Variants in ANKS1B observed in about 807,000 individuals in gnomAD.
ANKS1B encodes ankyrin repeat and sterile alpha motif domain containing 1B, also known as ankyrin repeat and sterile alpha motif domain-containing protein 1B.
ANKS1B carries 36 observed loss-of-function variants against 148.3 expected under a neutral mutation model. The ratio of observed to expected loss-of-function variants is 0.24; its 90% confidence interval spans 0.19 to 0.32. ANKS1B has a LOEUF of 0.32. ANKS1B is among the 10% of genes least tolerant of loss of function. The pLI is 1.00. For missense variants in ANKS1B, 1,157 were observed against 1,542.6 expected (o/e 0.75, Z 4.19); for synonymous variants, 542 against 560.8 (o/e 0.97, Z 0.47).
At chr12:99,133,251 C>T (rs1600701434) in intron 15 of ANKS1B, among the ~76,000 whole-genome samples, 2 of 151,874 alleles carry the variant, frequency 1.3e-5, no homozygotes, top group East Asian at 3.9e-4. Context: ...CAGGGTTTCA[C>T]CATGTTGGTC....
At chr12:98,766,948 T>C (rs7135248) in intron 25 of ANKS1B, among the ~76,000 whole-genome samples, 83,480 of 151,008 alleles carry the variant, frequency 0.55, 23,447 homozygotes, top group East Asian at 0.74. Context: ...TGGCACTACA[T>C]GTGTGTGCCA....
Position 99,619,616 on chromosome 12 carries a change from G to A in ANKS1B, c.1272+35451C>T, listed in dbSNP as rs546672602. 3.7e-3 allele frequency among the ~76,000 whole-genome samples: 562 copies of A among 152,054 alleles called. 3 individuals carry two copies. Among genetic ancestry groups the A allele is most frequent in the African/African-American group, 0.013 (535 of 41,452 alleles). ...AAAGGATACCTGCTCACCGAGATCA[G>A]CAGACTGACATGTTCTGTGCTTCCT... On this transcript the variant is annotated intron_variant, in intron 9 of 26. Transcript: ENST00000683438.
intron 9 of ANKS1B, among the ~76,000 whole-genome samples, chr12:99,614,899 A>T (rs1391107255): frequency 6.6e-6 from 1 of 151,670 alleles, no homozygotes; most frequent in Non-Finnish European, 1.5e-5. Flanking sequence ...CAGGAAAAAA[A>T]AAAAGTTGCT....
intron 17 of ANKS1B, among the ~76,000 whole-genome samples, chr12:98,909,820 T>C (rs1456892494): frequency 6.6e-6 from 1 of 152,230 alleles, no homozygotes; most frequent in Non-Finnish European, 1.5e-5. Flanking sequence ...AAAAGCGTGG[T>C]TCTTCATTCA....
chr12:99,639,184 G>A (rs2098275909), intron 9 of ANKS1B, among the ~76,000 whole-genome samples: 1 of 152,154 alleles, frequency 6.6e-6, no homozygotes, highest in African/African-American at 2.4e-5. Context: ...AGAACTTAAA[G>A]GTTTAATGAC....
chr12:99,032,898 T>C (rs902835032), intron 17 of ANKS1B, among the ~76,000 whole-genome samples: 4 of 152,220 alleles, frequency 2.6e-5, no homozygotes, highest in Non-Finnish European at 4.4e-5. Context: ...TTAGTCTTTA[T>C]TTCTCATGTT....
chr12:99,961,214 G>C (rs2095407945), intron 1 of ANKS1B, among the ~76,000 whole-genome samples: 1 of 150,836 alleles, frequency 6.6e-6, no homozygotes, highest in Non-Finnish European at 1.5e-5. Context: ...GGGCAGCAGA[G>C]TGAGACTCCC....
intron 8 of ANKS1B, among the ~76,000 whole-genome samples, chr12:99,668,004 A>T (rs2098517891): frequency 6.6e-6 from 1 of 152,130 alleles, no homozygotes; most frequent in African/African-American, 2.4e-5. Context: ...ATAGTTTTCC[A>T]TTTGTGAAAT....
chr12:99,622,385 T>G (rs985502561), intron 9 of ANKS1B, among the ~76,000 whole-genome samples: 11 of 151,202 alleles, frequency 7.3e-5, no homozygotes, highest in Admixed American at 6.6e-5. Flanking sequence ...AAGAAATAAC[T>G]AAAATCAGAA....
intron 8 of ANKS1B, among the ~76,000 whole-genome samples, chr12:99,662,010 T>C (rs900540273): frequency 3.9e-5 from 6 of 152,126 alleles, no homozygotes; most frequent in Admixed American, 1.3e-4. Context: ...AACAACAAAA[T>C]AGAAGAATCC....
At chr12:99,053,064 C>T (rs1167881529) in intron 17 of ANKS1B, 93 bp downstream of exon 17, 3 of 1,137,796 alleles carry the variant, frequency 2.6e-6, no homozygotes, top group Non-Finnish European at 3.6e-6. Flanking sequence ...TCTATAAATC[C>T]CCATTGGATG....
intron 16 of ANKS1B, among the ~76,000 whole-genome samples, chr12:99,076,337 G>T (rs2047877186): frequency 6.6e-6 from 1 of 151,776 alleles, no homozygotes; most frequent in Non-Finnish European, 1.5e-5. Context: ...AATTAAGGCT[G>T]AATTTTAGGG....
rs564038827 is a variant in ANKS1B at position 98,822,491 on chromosome 12, T to A, written c.3066+6683A>T. Among the ~76,000 whole-genome samples, 223 of 152,334 alleles carry A rather than the reference T, an allele frequency of 1.5e-3. 3 individuals carry two copies. The Middle Eastern group carries it at 0.024, about 16-fold the overall frequency. On this transcript the variant is annotated intron_variant, in intron 19 of 26. Coordinates refer to ENST00000683438, the MANE Select transcript of ANKS1B (RefSeq NM_001352186.2). ...GCCTCTTTGTGAACAAGCTGCTCAATGTCAACAAGCCCAAGGCACCACTAA... is the reference window on the plus strand; with the variant it reads ...GCCTCTTTGTGAACAAGCTGCTCAAAGTCAACAAGCCCAAGGCACCACTAA...
chr12:99,205,237 A>T (rs1253897257), intron 14 of ANKS1B, among the ~76,000 whole-genome samples: 1 of 152,198 alleles, frequency 6.6e-6, no homozygotes, highest in Admixed American at 6.5e-5. Context: ...CCTTTACTTT[A>T]TCCTTTACAA....
chr12:99,753,222 A>T (rs1002450772), intron 8 of ANKS1B, among the ~76,000 whole-genome samples: 24 of 152,154 alleles, frequency 1.6e-4, no homozygotes, highest in African/African-American at 5.8e-4. Flanking sequence ...ATAAAGAAAG[A>T]CTTGAACTAC....
At chr12:99,021,672 C>T in intron 17 of ANKS1B, among the ~76,000 whole-genome samples, 1 of 152,094 alleles carries the variant, frequency 6.6e-6, no homozygotes, top group South Asian at 2.1e-4. Flanking sequence ...ATTTTATAAC[C>T]AACCAGTGTG....
At chr12:99,574,541 T>C (rs1321364203) in intron 9 of ANKS1B, among the ~76,000 whole-genome samples, 2 of 151,928 alleles carry the variant, frequency 1.3e-5, no homozygotes, top group Non-Finnish European at 2.9e-5. Flanking sequence ...TAAACAAATA[T>C]TAGCAAATAA....
chr12:99,936,895 T>C (rs573986085), intron 1 of ANKS1B, among the ~76,000 whole-genome samples: 22 of 152,070 alleles, frequency 1.4e-4, no homozygotes, highest in African/African-American at 5.3e-4. Flanking sequence ...CAGTAGTTTG[T>C]TCTCATCTAC....
At chr12:99,167,534 T>C (rs2077309716) in intron 14 of ANKS1B, among the ~76,000 whole-genome samples, 1 of 152,176 alleles carries the variant, frequency 6.6e-6, no homozygotes, top group Admixed American at 6.5e-5. Flanking sequence ...TAGATACCAC[T>C]TGTTAGAATG....
Sources: allele counts gnomAD v4.1 joint callset (sites outside exome capture counted in the v4.1 genomes callset), GRCh38; gene constraint gnomAD v4.1.1; transcripts MANE v1.5; gene names NCBI Gene and HGNC (gene_info 2026-07-23, HGNC 2026-07-21).